Variants in FARP1 observed in about 807,000 individuals in gnomAD.
FARP1 encodes FERM, ARHGEF and pleckstrin domain-containing protein 1.
In FARP1, 52 loss-of-function variants were observed where a neutral mutation model predicts 128.8. The observed-to-expected ratio is 0.40, with a 90% CI of 0.32 to 0.51. The LOEUF (loss-of-function observed/expected upper bound fraction) is 0.51, where lower values mean the gene tolerates loss of function less well. Among genes scored for constraint, FARP1 ranks in the 20% least tolerant of loss-of-function variants. The probability of loss-of-function intolerance (pLI) is 0.45; values close to 1 mark genes in which losing one functional copy is unlikely to be tolerated. For missense variants in FARP1, 1,333 were observed against 1,367.9 expected, an observed-to-expected ratio of 0.97 and a Z score of 0.40; for synonymous variants, 580 against 551.8, an observed-to-expected ratio of 1.05 and a Z score of -0.72.
intron 2 of FARP1, among the ~76,000 whole-genome samples, chr13:98,342,196 CAAGGAGAG>C (rs1217214706): frequency 7.2e-5 from 11 of 152,092 alleles, no homozygotes; most frequent in Non-Finnish European, 1.3e-4. Flanking sequence ...TATTTGTGGA[CAAGGAGAG>C]AGGCACAGGG....
In FARP1 at chr13:98,176,433, G is replaced by A. The variant is rs749793696; in HGVS notation, c.-24+32941G>A. 1 of 1,614,244 alleles carries A rather than the reference G, an allele frequency of 6.2e-7. No homozygotes were observed. Among genetic ancestry groups the A allele is most frequent in the Non-Finnish European group, 8.5e-7 (1 of 1,180,044 alleles). ...CGCAGAAATAATGCCTGCACTTGGT[G>A]ACGACTGGGTTTTGGAAGGCCTGGC... On this transcript the variant is annotated intron_variant, in intron 1 of 26. Coordinates refer to ENST00000319562, the MANE Select transcript of FARP1 (RefSeq NM_005766.4). This position sits in a 1 kb window ranked among gnomAD's most constrained non-coding sequence, Gnocchi z 6.2.
chr13:98,241,458 A>G (rs1882768796), intron 2 of FARP1, among the ~76,000 whole-genome samples: 1 of 152,178 alleles, frequency 6.6e-6, no homozygotes, highest in Non-Finnish European at 1.5e-5. Flanking sequence ...TGTCCTGCAC[A>G]TCTGGACTAG....
At position 98,261,897 on chromosome 13, in the gene FARP1, C is replaced by T. The variant is rs563480683; in HGVS notation, c.171+48484C>T. On this transcript the variant is annotated intron_variant, in intron 2 of 26. Coordinates refer to ENST00000319562, the MANE Select transcript of FARP1 (RefSeq NM_005766.4). ...GACCCAGACACCTCTCACTAGGCTC[C>T]GTCTCCAACTCTGGGGTCACATTTC... Among the ~76,000 whole-genome samples, 453 of 152,204 alleles carry T rather than the reference C, an allele frequency of 3.0e-3. 5 individuals carry two copies. Among genetic ancestry groups the T allele is most frequent in the Middle Eastern group, 6.8e-3 (2 of 294 alleles).
chr13:98,204,026 C>T (rs1040402405), intron 1 of FARP1: 4 of 152,214 alleles, frequency 2.6e-5, no homozygotes, highest in African/African-American at 9.7e-5. Context: ...TCCTCTTCTG[C>T]CAAGCACACA....
At chr13:98,352,895 A>G (rs1167622963) in intron 3 of FARP1, among the ~76,000 whole-genome samples, 1 of 152,194 alleles carries the variant, frequency 6.6e-6, no homozygotes, top group African/African-American at 2.4e-5. Context: ...ATTAAACAAT[A>G]TAAACTCCTG....
chr13:98,235,803 C>T (rs1178046294), intron 2 of FARP1, among the ~76,000 whole-genome samples: 2 of 150,344 alleles, frequency 1.3e-5, no homozygotes, highest in African/African-American at 2.5e-5. Context: ...ATTCATAAAC[C>T]GTACAATTCA....
At chr13:98,212,322 C>T (rs1178787815) in intron 1 of FARP1, among the ~76,000 whole-genome samples, 3 of 152,170 alleles carry the variant, frequency 2.0e-5, no homozygotes, top group African/African-American at 2.4e-5. Flanking sequence ...TCCGAAAGTG[C>T]TGGGATTACA....
chr13:98,412,116 A>C, intron 16 of FARP1, 82 bp downstream of exon 16: 1 of 1,382,378 alleles, frequency 7.2e-7, no homozygotes, highest in South Asian at 1.3e-5. Flanking sequence ...GGTAGGCAGC[A>C]GGCAGGAACA....
At chr13:98,239,372 G>C (rs563269433) in intron 2 of FARP1, among the ~76,000 whole-genome samples, 1 of 152,182 alleles carries the variant, frequency 6.6e-6, no homozygotes, top group Admixed American at 6.5e-5. Flanking sequence ...CCTTTATTGC[G>C]TGCTTGCAAT....
At chr13:98,157,549 C>T (rs1276596702) in intron 1 of FARP1, among the ~76,000 whole-genome samples, 3 of 152,212 alleles carry the variant, frequency 2.0e-5, no homozygotes. Context: ...TTACTCTCCT[C>T]TCCACTCATT....
At chr13:98,443,843 T>G (rs770165635) in intron 24 of FARP1, among the ~76,000 whole-genome samples, 5 of 7,330 alleles carry the variant, frequency 6.8e-4, no homozygotes, top group Non-Finnish European at 2.6e-3. Context: ...CAGACAGGAC[T>G]GGGAGGAGGG....
chr13:98,161,219 T>A (rs1320959519), intron 1 of FARP1, among the ~76,000 whole-genome samples: 1 of 151,240 alleles, frequency 6.6e-6, no homozygotes, highest in Non-Finnish European at 1.5e-5. Context: ...TCAGTAATTT[T>A]TTTTTTTTTT....
chr13:98,279,198 A>G (rs1388294553), intron 2 of FARP1, among the ~76,000 whole-genome samples: 1 of 152,200 alleles, frequency 6.6e-6, no homozygotes, highest in Non-Finnish European at 1.5e-5. Flanking sequence ...TCTAAGTACA[A>G]TAGAAAAAAT....
At chr13:98,256,640 A>G (rs1421290476) in intron 2 of FARP1, among the ~76,000 whole-genome samples, 1 of 150,832 alleles carries the variant, frequency 6.6e-6, no homozygotes, top group East Asian at 1.9e-4. Flanking sequence ...GTTCACTGCA[A>G]CCTCCACCTC....
intron 13 of FARP1, chr13:98,396,839 G>A (rs1276624955): frequency 5.4e-6 from 1 of 183,886 alleles, no homozygotes; most frequent in Non-Finnish European, 1.1e-5. Context: ...GCAATTTTCT[G>A]TGTATGTTCA....
At chr13:98,166,834 C>G (rs926020907) in intron 1 of FARP1, among the ~76,000 whole-genome samples, 21 of 151,810 alleles carry the variant, frequency 1.4e-4, no homozygotes, top group African/African-American at 4.1e-4. Flanking sequence ...AGGGATCGTC[C>G]TACCTCAGCC....
rs1884066074 is a variant in FARP1, at chr13:98,265,424, A to G, written c.171+52011A>G. ...AAGCTCCGCCTCCCGGGTTCACGCC[A>G]TTCTCCTGCCTCAGCCTCCCAAGTA... On this transcript the variant is annotated intron_variant, in intron 2 of 26. Coordinates refer to ENST00000319562, the MANE Select transcript of FARP1 (RefSeq NM_005766.4). Among the ~76,000 whole-genome samples the G allele has an allele frequency of 5.0e-5, 7 of 141,368 alleles. No homozygotes were observed. In the South Asian group the frequency reaches 1.6e-3, roughly 33 times the overall value. 92.7% of individuals were successfully genotyped at this position (141,368 alleles called of 152,430 possible).
chr13:98,356,312 TAAG>T (rs1888639297), intron 3 of FARP1, among the ~76,000 whole-genome samples: 1 of 152,200 alleles, frequency 6.6e-6, no homozygotes, highest in Non-Finnish European at 1.5e-5. Flanking sequence ...ACAGGTGGTG[TAAG>T]TACGGTTGTC....
chr13:98,307,639 AAGT>A (rs2139726251), intron 2 of FARP1, among the ~76,000 whole-genome samples: 1 of 152,234 alleles, frequency 6.6e-6, no homozygotes, highest in South Asian at 2.1e-4. Flanking sequence ...ACCAAGTCTC[AAGT>A]CCCCTTGTAT....
Sources: gnomAD v4.1 joint callset for allele counts (sites outside exome capture counted in the v4.1 genomes callset) on GRCh38, gnomAD v4.1.1 for gene constraint, Gnocchi (gnomAD v3.1) non-coding constraint, MANE v1.5 for transcripts, NCBI Gene and HGNC (gene_info 2026-07-23, HGNC 2026-07-21) for gene names.